The following NCOA1 variants were observed in gnomAD, a reference collection of about 807,000 sequenced individuals.
The protein encoded by NCOA1 is nuclear receptor coactivator 1.
Under a neutral mutation model 150.9 loss-of-function variants are expected in NCOA1, and 35 were observed. The observed-to-expected ratio is 0.23, with a 90% CI of 0.18 to 0.31. The LOEUF is 0.31. Among genes scored for constraint, NCOA1 ranks in the 10% least tolerant of loss-of-function variants. The pLI is 1.00. For missense variants in NCOA1, 1,491 were observed against 1,749.3 expected (o/e 0.85, Z 2.63); for synonymous variants, 590 against 630.0 (o/e 0.94, Z 0.95).
At chr2:24,752,281 G>A in intron 20 of NCOA1, 125 bp downstream of exon 20, 2 of 1,057,720 alleles carry the variant, frequency 1.9e-6, no homozygotes, top group Non-Finnish European at 2.7e-6. Flanking sequence ...GACACAAAAG[G>A]CCACATATGG....
rs971624997 is a variant in NCOA1, at chr2:24,586,307, C to T, written c.-175+1747C>T. 3.4e-5 allele frequency among the ~76,000 whole-genome samples: 5 copies of T among 146,646 alleles called. No homozygotes were observed. In the South Asian group the frequency reaches 1.1e-3, roughly 32 times the overall value. ...AAAAAAAAAAAAAAAAAAAAATTAGCTGGGCCGGTGATGTGCGCCTGTGGT... is the reference window on the plus strand; with the variant it reads ...AAAAAAAAAAAAAAAAAAAAATTAGTTGGGCCGGTGATGTGCGCCTGTGGT... On this transcript the variant is annotated intron_variant, in intron 3 of 22. Coordinates refer to ENST00000348332, the MANE Select transcript of NCOA1 (RefSeq NM_003743.5).
At chr2:24,765,822 C>G (rs1271332894) in intron 22 of NCOA1, among the ~76,000 whole-genome samples, 1 of 151,700 alleles carries the variant, frequency 6.6e-6, no homozygotes, top group Non-Finnish European at 1.5e-5. Context: ...GAGACACCCC[C>G]TTTTAAGTAA....
At chr2:24,561,919 A>G (rs1200061002) in intron 1 of NCOA1, among the ~76,000 whole-genome samples, 1 of 152,196 alleles carries the variant, frequency 6.6e-6, no homozygotes, top group Admixed American at 6.5e-5. Context: ...TTGTAAACCA[A>G]GGGATGATGA....
rs551318172 is a variant in NCOA1, at chr2:24,687,238, A to G, written c.532+4110A>G. ...TGATTAGATATTTAGCTCTTCTTCT[A>G]GTAACATTCCGCAAGTAGCTTTCTT... is the stretch of plus-strand genomic sequence containing the variant. On this transcript the variant is annotated intron_variant, in intron 8 of 22. Transcript: ENST00000348332. Among the ~76,000 whole-genome samples the G allele has an allele frequency of 8.5e-5, 13 of 152,268 alleles. No homozygotes were observed. The South Asian group carries it at 2.7e-3, about 32-fold the overall frequency.
chr2:24,615,581 G>A (rs1362259394), intron 3 of NCOA1, among the ~76,000 whole-genome samples: 1 of 152,094 alleles, frequency 6.6e-6, no homozygotes, highest in Non-Finnish European at 1.5e-5. Context: ...GGTGCTGGTG[G>A]GGGCCAATGC....
chr2:24,650,027 A>G (rs1168061173), intron 4 of NCOA1, among the ~76,000 whole-genome samples: 2 of 152,220 alleles, frequency 1.3e-5, no homozygotes. Context: ...ATGAAATAAG[A>G]TTAAATGGTG....
chr2:24,501,110 A>C (rs539358962), intron 1 of NCOA1, among the ~76,000 whole-genome samples: 53 of 152,352 alleles, frequency 3.5e-4, no homozygotes, highest in Non-Finnish European at 5.1e-4. Flanking sequence ...ACTGATTGCC[A>C]TCAGAAGGTA....
chr2:24,590,999 T>TGAAGGTGACCA (rs1667633961), intron 3 of NCOA1, among the ~76,000 whole-genome samples: 1 of 152,214 alleles, frequency 6.6e-6, no homozygotes, highest in South Asian at 2.1e-4. Context: ...GCACCTGTCA[T>TGAAGGTGACCA]GAAGGTGACC....
chr2:24,686,569 A>G lies in NCOA1; in HGVS notation c.532+3441A>G, dbSNP rs898899907. On this transcript the variant is annotated intron_variant, in intron 8 of 22. Transcript: ENST00000348332. ...TTGTCAGAAGCTTTGTACCTCTAGT[A>G]TAGATCTATCCTCTTATTTCCATTC... 1.0e-3 allele frequency among the ~76,000 whole-genome samples: 154 copies of G among 152,302 alleles called. 1 individual carries two copies. The highest frequency in any genetic ancestry group is 8.8e-5 in the Non-Finnish European group (6 of 68,018).
chr2:24,696,641 T>C (rs545413092), intron 10 of NCOA1, among the ~76,000 whole-genome samples: 2 of 152,266 alleles, frequency 1.3e-5, no homozygotes, highest in African/African-American at 4.8e-5. Flanking sequence ...TTCCTACATA[T>C]ATACACTAGA....
At chr2:24,597,800 T>G (rs1667941982) in intron 3 of NCOA1, among the ~76,000 whole-genome samples, 1 of 152,174 alleles carries the variant, frequency 6.6e-6, no homozygotes, top group African/African-American at 2.4e-5. Flanking sequence ...TTATTATACT[T>G]TAAGTTCTAG....
chr2:24,569,529 C>T (rs1416604799), intron 2 of NCOA1, among the ~76,000 whole-genome samples: 1 of 146,936 alleles, frequency 6.8e-6, no homozygotes, highest in African/African-American at 2.5e-5. Context: ...TTGACCGTAT[C>T]CTCAAACTTG....
At chr2:24,651,550 A>G (rs574886106) in intron 4 of NCOA1, among the ~76,000 whole-genome samples, 2 of 152,218 alleles carry the variant, frequency 1.3e-5, no homozygotes, top group South Asian at 4.1e-4. Flanking sequence ...ATAGTGGGGA[A>G]AAATGGGTAA....
intron 3 of NCOA1, among the ~76,000 whole-genome samples, chr2:24,626,816 A>G (rs1669432367): frequency 6.6e-6 from 1 of 152,172 alleles, no homozygotes; most frequent in Non-Finnish European, 1.5e-5. Context: ...CCCCTAATAT[A>G]TAAACTCTTC....
At chr2:24,687,745 CCT>C (rs1672475617) in intron 8 of NCOA1, among the ~76,000 whole-genome samples, 1 of 152,170 alleles carries the variant, frequency 6.6e-6, no homozygotes. Context: ...GATCCATTCA[CCT>C]CTCTCCCTCA....
chr2:24,743,237 C>A (rs934517904), intron 19 of NCOA1, among the ~76,000 whole-genome samples: 1 of 152,162 alleles, frequency 6.6e-6, no homozygotes, highest in African/African-American at 2.4e-5. Flanking sequence ...AAATGAATTT[C>A]AATGAGAAAG....
chr2:24,516,988 A>ATATACGGGTATATATACG (rs1300803825), intron 1 of NCOA1, among the ~76,000 whole-genome samples: 1 of 52,226 alleles, frequency 1.9e-5, no homozygotes, highest in African/African-American at 4.0e-5. Context: ...ATATACGTAT[A>ATATACGGGTATATATACG]TATATACACA....
At chr2:24,701,506 C>CAAAA (rs577569400) in intron 11 of NCOA1, among the ~76,000 whole-genome samples, 1 of 78,336 alleles carries the variant, frequency 1.3e-5, no homozygotes, top group African/African-American at 5.7e-5. Flanking sequence ...GACACTGTCT[C>CAAAA]AAAAAAAAAA....
intron 14 of NCOA1, among the ~76,000 whole-genome samples, chr2:24,719,040 A>C (rs914825584): frequency 2.7e-5 from 4 of 150,504 alleles, no homozygotes; most frequent in Non-Finnish European, 5.9e-5. Flanking sequence ...AAAAAAAAAA[A>C]AAAAAAAAAA....
Sources: gnomAD v4.1 joint callset for allele counts (sites outside exome capture counted in the v4.1 genomes callset) on GRCh38, gnomAD v4.1.1 for gene constraint, MANE v1.5 for transcripts, NCBI Gene and HGNC (gene_info 2026-07-23, HGNC 2026-07-21) for gene names.